Variants in MFSD6 observed in about 807,000 individuals in gnomAD.
MFSD6 encodes major facilitator superfamily domain containing 6, also known as major facilitator superfamily domain-containing protein 6.
MFSD6 carries 26 observed loss-of-function variants against 56.3 expected under a neutral mutation model. The ratio of observed to expected loss-of-function variants is 0.46; its 90% CI spans 0.34 to 0.64. MFSD6 has a LOEUF of 0.64. MFSD6 is among the 30% of genes least tolerant of loss of function. The pLI, the probability that MFSD6 is intolerant of heterozygous loss-of-function variation, is 0.01. For synonymous variants in MFSD6, 331 were observed against 366.9 expected (o/e 0.90, Z 1.12); for missense variants, 750 against 986.2 (o/e 0.76, Z 3.21).
Position 190,471,926 on chromosome 2 carries a change from G to T in MFSD6, c.1630+2071G>T, listed in dbSNP as rs1289977915. On this transcript the variant is annotated intron_variant, in intron 4 of 7. Coordinates refer to ENST00000392328, the MANE Select transcript of MFSD6 (RefSeq NM_017694.4). This position sits in a 1 kb window ranked among gnomAD's most constrained non-coding sequence, Gnocchi z 4.7. ...GAACGATCAGGCAGCAATATTTGCT[G>T]TTCACCAATATCCGCTGTTCTGCAG... Among the ~76,000 whole-genome samples, 1 of 152,214 alleles carries T rather than the reference G, an allele frequency of 6.6e-6. No individual in the cohort carries two copies. The highest frequency in any genetic ancestry group is 1.5e-5 in the Non-Finnish European group (1 of 68,040).
Position 190,425,595 on chromosome 2 carries a change from G to A in MFSD6, c.-54+10182G>A, listed in dbSNP as rs1022899989. 8.5e-5 allele frequency among the ~76,000 whole-genome samples: 13 copies of A among 152,176 alleles called. No individual in the cohort carries two copies. The highest frequency in any genetic ancestry group is 2.9e-4 in the African/African-American group (12 of 41,450). On this transcript the variant is annotated intron_variant, in intron 2 of 7. Transcript: ENST00000392328. This position sits in a 1 kb window ranked among gnomAD's most constrained non-coding sequence, Gnocchi z 4.3. ...ATTTTATCAAGTGTTTTTCTGCATT[G>A]ATTGGTAAGCTGAAGTAATTTTTCT...
intron 3 of MFSD6, among the ~76,000 whole-genome samples, chr2:190,466,628 C>T (rs1293991149): frequency 2.0e-5 from 3 of 152,112 alleles, no homozygotes; most frequent in African/African-American, 4.8e-5. Context: ...GTCATTGTGT[C>T]GTCATTTTCA....
In MFSD6 at chr2:190,413,558, G is replaced by A. The variant is rs541460453; in HGVS notation, c.-175-1734G>A. On this transcript the variant is annotated intron_variant, in intron 1 of 7. Coordinates refer to ENST00000392328, the MANE Select transcript of MFSD6 (RefSeq NM_017694.4). This position sits in a 1 kb window ranked among gnomAD's most constrained non-coding sequence, Gnocchi z 4.1. ...GTGGGATGGGGGAAAGACAGGGAAA[G>A]ACAGGGACACTATGAATCAGCAGTG... Among the ~76,000 whole-genome samples, 32 of 152,310 alleles carry A rather than the reference G, an allele frequency of 2.1e-4. No individual in the cohort carries two copies. The highest frequency in any genetic ancestry group is 3.2e-4 in the Non-Finnish European group (22 of 68,026).
chr2:190,496,375 C>T lies in MFSD6; in HGVS notation c.1892-1064C>T, dbSNP rs937685807. 3.9e-5 allele frequency among the ~76,000 whole-genome samples: 6 copies of T among 152,190 alleles called. No individual in the cohort carries two copies. Among genetic ancestry groups the T allele is most frequent in the African/African-American group, 1.4e-4 (6 of 41,456 alleles). On this transcript the variant is annotated intron_variant, in intron 6 of 7. Coordinates refer to ENST00000392328, the MANE Select transcript of MFSD6 (RefSeq NM_017694.4). This position sits in a 1 kb window ranked among gnomAD's most constrained non-coding sequence, Gnocchi z 4.7. ...GTAGTGAAAAGGAAACACTTCTACA[C>T]TGCTGGTAGGAATGTAAGCTGTACA...
In MFSD6 at chr2:190,426,686, T is replaced by G. The variant is rs1685793952; in HGVS notation, c.-53-9291T>G. Among the ~76,000 whole-genome samples the G allele has an allele frequency of 6.6e-6, 1 of 152,206 alleles. No individual in the cohort carries two copies. Among genetic ancestry groups the G allele is most frequent in the South Asian group, 2.1e-4 (1 of 4,834 alleles). ...TATTATTTCCAAATGATGGTTGTTTTCAAAATGGTTGTCATTCCTGTCATC... is the reference window on the plus strand; with the variant it reads ...TATTATTTCCAAATGATGGTTGTTTGCAAAATGGTTGTCATTCCTGTCATC... On this transcript the variant is annotated intron_variant, in intron 2 of 7. Transcript: ENST00000392328. The surrounding 1 kb of genome is among the most constrained non-coding windows in gnomAD (Gnocchi z 4.7).
At position 190,490,902 on chromosome 2, in the gene MFSD6, C is replaced by G. The variant is rs774782102; in HGVS notation, c.1891+1036C>G. ...GACAGATTTTAATCTCAATGAGTTA[C>G]TCAGAAAGAGCAATACTGTTTTTTC... On this transcript the variant is annotated intron_variant, in intron 6 of 7. Coordinates refer to ENST00000392328, the MANE Select transcript of MFSD6 (RefSeq NM_017694.4). The surrounding 1 kb of genome is among the most constrained non-coding windows in gnomAD (Gnocchi z 4.5). Among the ~76,000 whole-genome samples, 1 of 152,184 alleles carries G rather than the reference C, an allele frequency of 6.6e-6. No individual in the cohort carries two copies. The highest frequency in any genetic ancestry group is 1.5e-5 in the Non-Finnish European group (1 of 68,026).
intron 2 of MFSD6, 54 bp from the exon 3 acceptor site, chr2:190,435,923 G>A (rs1686160874): frequency 7.2e-7 from 1 of 1,390,604 alleles, no homozygotes; most frequent in African/African-American, 1.4e-5. Flanking sequence ...GAAGTTCTGT[G>A]TTTACATGTT....
At chr2:190,477,945 A>G (rs887873450) in intron 4 of MFSD6, among the ~76,000 whole-genome samples, 5 of 141,450 alleles carry the variant, frequency 3.5e-5, no homozygotes, top group African/African-American at 1.2e-4. Flanking sequence ...GCATTCCAGC[A>G]TGGGGGAAGA....
At chr2:190,479,976 A>G (rs1688566557) in intron 4 of MFSD6, among the ~76,000 whole-genome samples, 1 of 152,174 alleles carries the variant, frequency 6.6e-6, no homozygotes. Flanking sequence ...CAGCCTGGGC[A>G]ACCTAGGGAG....
rs1012351304 is a variant in MFSD6, at chr2:190,415,250, T to C, written c.-175-42T>C. ...TTTTAAAAATTATTGGTATGGTATG[T>C]ATGTTAAAGTATCTATCTTTTTTAT... is the stretch of plus-strand genomic sequence containing the variant. On this transcript the variant is annotated intron_variant, in intron 1 of 7. Coordinates refer to ENST00000392328, the MANE Select transcript of MFSD6 (RefSeq NM_017694.4). The surrounding 1 kb of genome is among the most constrained non-coding windows in gnomAD (Gnocchi z 4.5). The C allele has an allele frequency of 2.0e-5, 3 of 152,204 alleles. No individual in the cohort carries two copies. Among genetic ancestry groups the C allele is most frequent in the Non-Finnish European group, 4.4e-5 (3 of 68,024 alleles). The allele number at this position is 152,204 out of a possible 1,614,324, so 9.4% of individuals were successfully genotyped here.
chr2:190,429,395 G>A (rs1209182309), intron 2 of MFSD6, among the ~76,000 whole-genome samples: 6 of 150,448 alleles, frequency 4.0e-5, no homozygotes, highest in African/African-American at 1.2e-4. Context: ...GTGCAATCTC[G>A]GCTCACTGCA....
At position 190,431,516 on chromosome 2, in the gene MFSD6, A is replaced by C. The variant is rs1206415459; in HGVS notation, c.-53-4461A>C. Among the ~76,000 whole-genome samples, 1 of 152,232 alleles carries C rather than the reference A, an allele frequency of 6.6e-6. No homozygotes were observed. The highest frequency in any genetic ancestry group is 1.5e-5 in the Non-Finnish European group (1 of 68,032). On this transcript the variant is annotated intron_variant, in intron 2 of 7. Transcript: ENST00000392328. The surrounding 1 kb of genome is among the most constrained non-coding windows in gnomAD (Gnocchi z 4.4). ...TTAGGAGCTGGAGACTAGCCCGGCC[A>C]ACACAGCGAAACCCCGTCTCCACCA...
Position 190,443,119 on chromosome 2 carries a change from C to A in MFSD6, c.1532+5558C>A, listed in dbSNP as rs1686443312. On this transcript the variant is annotated intron_variant, in intron 3 of 7. Transcript: ENST00000392328. The surrounding 1 kb of genome is among the most constrained non-coding windows in gnomAD (Gnocchi z 4.2). ...CAGCAATGGACTTTCTGAGCACCCCCCAATATCATCACCTGAGCCAGGAAC... is the reference window on the plus strand; with the variant it reads ...CAGCAATGGACTTTCTGAGCACCCCACAATATCATCACCTGAGCCAGGAAC... The A allele has an allele frequency of 6.6e-6, 1 of 152,124 alleles. No individual in the cohort carries two copies. The highest frequency in any genetic ancestry group is 2.4e-5 in the African/African-American group (1 of 41,414). The allele number at this position is 152,124 out of a possible 1,614,324, so 9.4% of individuals were successfully genotyped here.
chr2:190,435,630 A>C (rs1204359129), intron 2 of MFSD6, among the ~76,000 whole-genome samples: 1 of 118,724 alleles, frequency 8.4e-6, no homozygotes, highest in Non-Finnish European at 1.8e-5. Context: ...AAAATCAAGA[A>C]ACTATAAACA....
At chr2:190,420,621 G>T (rs576573738) in intron 2 of MFSD6, among the ~76,000 whole-genome samples, 1 of 152,112 alleles carries the variant, frequency 6.6e-6, no homozygotes, top group South Asian at 2.1e-4. Context: ...TACTTGTTTT[G>T]TCATTCCTTA....
chr2:190,477,139 G>C (rs184341124), intron 4 of MFSD6: 1 of 420,206 alleles, frequency 2.4e-6, no homozygotes, highest in African/African-American at 2.2e-5. Flanking sequence ...CACCAATATG[G>C]CACATGTATA....
chr2:190,424,997 A>G lies in MFSD6; in HGVS notation c.-54+9584A>G, dbSNP rs1287638068. On this transcript the variant is annotated intron_variant, in intron 2 of 7. Coordinates refer to ENST00000392328, the MANE Select transcript of MFSD6 (RefSeq NM_017694.4). The surrounding 1 kb of genome is among the most constrained non-coding windows in gnomAD (Gnocchi z 5.9). ...TTGAGGAGAATTGAAATTCATAAAC[A>G]TGGATCCATTTATTTAGCTCTTTGA... Among the ~76,000 whole-genome samples, 1 of 152,216 alleles carries G rather than the reference A, an allele frequency of 6.6e-6. No individual in the cohort carries two copies. Among genetic ancestry groups the G allele is most frequent in the African/African-American group, 2.4e-5 (1 of 41,456 alleles).
chr2:190,469,930 C>T lies in MFSD6; in HGVS notation c.1630+75C>T, dbSNP rs1687822908. The T allele has an allele frequency of 2.0e-6, 2 of 1,020,952 alleles. No individual in the cohort carries two copies. The highest frequency in any genetic ancestry group is 2.1e-5 in the Admixed American group (1 of 47,272). 63.2% of individuals were successfully genotyped at this position (1,020,952 alleles called of 1,614,324 possible). On this transcript the variant is annotated intron_variant, in intron 4 of 7. Coordinates refer to ENST00000392328, the MANE Select transcript of MFSD6 (RefSeq NM_017694.4). This position sits in a 1 kb window ranked among gnomAD's most constrained non-coding sequence, Gnocchi z 5.3. The stretch of plus-strand genomic sequence containing the variant: ...TGGCTAAAAGCCCAGTGGCCTTCAG[C>T]ATCTGATTCTATAAAGGAAGGGCAG...
In MFSD6 at chr2:190,424,773, G is replaced by T. The variant is rs1304566225; in HGVS notation, c.-54+9360G>T. Among the ~76,000 whole-genome samples the T allele has an allele frequency of 6.6e-6, 1 of 152,170 alleles. No individual in the cohort carries two copies. The highest frequency in any genetic ancestry group is 1.9e-4 in the East Asian group (1 of 5,198). On this transcript the variant is annotated intron_variant, in intron 2 of 7. Transcript: ENST00000392328. The surrounding 1 kb of genome is among the most constrained non-coding windows in gnomAD (Gnocchi z 5.9). The stretch of plus-strand genomic sequence containing the variant: ...TTTGGGTGGATTTGTTCTGGGTTCT[G>T]TATTCTGTTACATTGATCTATGTGT...
Sources: allele counts gnomAD v4.1 joint callset (sites outside exome capture counted in the v4.1 genomes callset), GRCh38; gene constraint gnomAD v4.1.1; non-coding constraint Gnocchi (gnomAD v3.1); transcripts MANE v1.5; gene names NCBI Gene and HGNC (gene_info 2026-07-23, HGNC 2026-07-21).